Variants in CLASP1 observed in about 807,000 individuals in gnomAD.
The protein encoded by CLASP1 is cytoplasmic linker associated protein 1.
CLASP1 carries 38 observed loss-of-function variants against 192.3 expected under a neutral mutation model. The observed-to-expected ratio is 0.20, with a 90% CI of 0.15 to 0.26. CLASP1 has a LOEUF of 0.26. CLASP1 is among the 10% of genes least tolerant of loss of function. CLASP1 has a pLI of 1.00. For synonymous variants in CLASP1, 691 were observed against 712.8 expected, an observed-to-expected ratio of 0.97 and a Z score of 0.49; for missense variants, 1,433 against 1,932.5, an observed-to-expected ratio of 0.74 and a Z score of 4.85.
intron 14 of CLASP1, 82 bp downstream of exon 14, chr2:121,457,605 A>G (rs1228548817): frequency 2.8e-6 from 3 of 1,074,054 alleles, no homozygotes; most frequent in Non-Finnish European, 4.2e-6. Context: ...TATACATGAA[A>G]TTTTATCCAT....
intron 2 of CLASP1, among the ~76,000 whole-genome samples, chr2:121,578,849 A>AC (rs1225246404): frequency 6.6e-6 from 1 of 152,170 alleles, no homozygotes; most frequent in African/African-American, 2.4e-5. Context: ...AAAAACACAC[A>AC]CACACAAAAA....
At chr2:121,367,485 C>A (rs754633240) in intron 35 of CLASP1, 103 bp downstream of exon 36, 58 of 1,449,060 alleles carry the variant, frequency 4.0e-5, no homozygotes, top group Admixed American at 5.7e-5. Context: ...ACAGACCCAG[C>A]GTCTCCATTT....
intron 18 of CLASP1, 123 bp downstream of exon 18, chr2:121,448,153 A>G (rs1423045289): frequency 2.5e-6 from 2 of 806,362 alleles, no homozygotes; most frequent in East Asian, 2.4e-5. Context: ...AGCAGGCAAC[A>G]TTCAAGCCTA....
chr2:121,583,735 T>C (rs1282623550), intron 2 of CLASP1, among the ~76,000 whole-genome samples: 1 of 152,120 alleles, frequency 6.6e-6, no homozygotes, highest in Non-Finnish European at 1.5e-5. Context: ...ACTGCTATGG[T>C]GTGGATGTTT....
At chr2:121,430,759 TAAGATAAAGAA>T (rs958241567) in intron 19 of CLASP1, among the ~76,000 whole-genome samples, 1 of 152,056 alleles carries the variant, frequency 6.6e-6, no homozygotes, top group African/African-American at 2.4e-5. Flanking sequence ...AGTAAGTTTC[TAAGATAAAGAA>T]AAGATAAAGC....
intron 14 of CLASP1, among the ~76,000 whole-genome samples, chr2:121,457,458 TACACACACACAC>T (rs112547655): frequency 2.8e-5 from 4 of 143,550 alleles, no homozygotes; most frequent in East Asian, 2.0e-4. Flanking sequence ...CACACAGACA[TACACACACACAC>T]ACACACACAC....
intron 2 of CLASP1, among the ~76,000 whole-genome samples, chr2:121,568,985 C>T (rs2105383589): frequency 6.6e-6 from 1 of 152,260 alleles, no homozygotes; most frequent in African/African-American, 2.4e-5. Flanking sequence ...GTAAAAGTTG[C>T]TCTCAGGAAA....
chr2:121,546,442 A>C (rs1264722895), intron 2 of CLASP1, among the ~76,000 whole-genome samples: 1 of 151,902 alleles, frequency 6.6e-6, no homozygotes, highest in Non-Finnish European at 1.5e-5. Flanking sequence ...CATTGGGACC[A>C]ATCAAGGAAA....
At chr2:121,629,769 C>G (rs1013460741) in intron 1 of CLASP1, among the ~76,000 whole-genome samples, 2 of 151,486 alleles carry the variant, frequency 1.3e-5, no homozygotes, top group South Asian at 4.2e-4. Context: ...CTAGCCTGGG[C>G]GACAAGAGCG....
Position 121,367,530 on chromosome 2 carries a change from G to A in CLASP1, c.3886+58C>T. On this transcript the variant is annotated intron_variant, in intron 35 of 39. Transcript: ENST00000263710. The stretch of plus-strand genomic sequence containing the variant: ...CAGTGGGCCTGGTGCTGGCCAGACG[G>A]GAGGGAGCACAAGGGAAGCACTTCT... The A allele has an allele frequency of 3.1e-6, 5 of 1,606,918 alleles. No individual in the cohort carries two copies. The South Asian group carries it at 5.5e-5, about 18-fold the overall frequency.
intron 8 of CLASP1, among the ~76,000 whole-genome samples, chr2:121,489,752 C>T (rs1231980495): frequency 6.6e-6 from 1 of 152,122 alleles, no homozygotes; most frequent in Admixed American, 6.5e-5. Flanking sequence ...TTTTCCTGTA[C>T]ATTTTTGCAT....
chr2:121,379,412 T>C (rs1046465518), intron 33 of CLASP1, among the ~76,000 whole-genome samples: 4 of 152,168 alleles, frequency 2.6e-5, no homozygotes, highest in Non-Finnish European at 5.9e-5. Flanking sequence ...ACTCCTTAGA[T>C]GTGAGAAAGG....
chr2:121,400,695 G>C (rs2076036528), intron 28 of CLASP1, among the ~76,000 whole-genome samples: 1 of 152,204 alleles, frequency 6.6e-6, no homozygotes, highest in African/African-American at 2.4e-5. Context: ...TCATCTTTAA[G>C]GTCCTTCCAT....
intron 8 of CLASP1, among the ~76,000 whole-genome samples, chr2:121,495,642 C>T (rs1054602441): frequency 2.0e-5 from 3 of 152,044 alleles, no homozygotes; most frequent in Non-Finnish European, 4.4e-5. Flanking sequence ...GCCTGGGCAA[C>T]AAGAGCAAAA....
intron 2 of CLASP1, among the ~76,000 whole-genome samples, chr2:121,587,325 C>G (rs555807990): frequency 3.7e-4 from 57 of 152,324 alleles, no homozygotes; most frequent in Admixed American, 2.0e-3. Context: ...GCCCTCCCCC[C>G]ATCCTTAGAA....
chr2:121,404,156 G>T, intron 26 of CLASP1: 1 of 439,466 alleles, frequency 2.3e-6, no homozygotes, highest in Non-Finnish European at 3.0e-6. Context: ...ACATTTACTT[G>T]AAACACACTT....
At position 121,567,532 on chromosome 2, in the gene CLASP1, C is replaced by G. The variant is rs138580098; in HGVS notation, c.196-37207G>C. On this transcript the variant is annotated intron_variant, in intron 2 of 39. Transcript: ENST00000263710. ...CTAGTTACCTCCCACAGAAGGGCAG[C>G]CTGGACTCAGCACTCTGCATCTCTT... Among the ~76,000 whole-genome samples, 934 of 152,362 alleles carry G rather than the reference C, an allele frequency of 6.1e-3. 3 individuals are homozygous for G. The highest frequency in any genetic ancestry group is 0.01 in the Middle Eastern group (3 of 294).
chr2:121,361,818 G>C (rs566927829), intron 37 of CLASP1, among the ~76,000 whole-genome samples: 17 of 152,304 alleles, frequency 1.1e-4, no homozygotes, highest in Admixed American at 9.8e-4. Flanking sequence ...TCAAATGTGA[G>C]TTATTATCAC....
chr2:121,354,370 GCT>G (rs766405383), intron 37 of CLASP1, among the ~76,000 whole-genome samples: 1 of 152,204 alleles, frequency 6.6e-6, no homozygotes, highest in Non-Finnish European at 1.5e-5. Flanking sequence ...TCTTGGAAGA[GCT>G]CTGTCAGGTA....
Sources: allele counts gnomAD v4.1 joint callset (sites outside exome capture counted in the v4.1 genomes callset), GRCh38; gene constraint gnomAD v4.1.1; transcripts MANE v1.5; gene names NCBI Gene and HGNC (gene_info 2026-07-23, HGNC 2026-07-21).